The following ADAMTSL1 variants were observed in gnomAD, a reference collection of about 807,000 sequenced individuals.
ADAMTSL1 encodes the protein ADAMTS-like protein 1.
In ADAMTSL1, 126 loss-of-function variants were observed where a neutral mutation model predicts 201.8. That is an observed-to-expected ratio of 0.62 (90% CI 0.54 to 0.72). ADAMTSL1 has a LOEUF of 0.72. Ranked by LOEUF, ADAMTSL1 falls within the 30% of genes least tolerant of loss-of-function variation. The pLI, the probability that ADAMTSL1 is intolerant of heterozygous loss-of-function variation, is 0.00. For synonymous variants in ADAMTSL1, 1,121 were observed against 903.4 expected (o/e 1.24, Z -4.32); for missense variants, 2,679 against 2,277.8 (o/e 1.18, Z -3.59).
At chr9:18,057,108 G>A (rs890392419) in intron 1 of ADAMTSL1, among the ~76,000 whole-genome samples, 1 of 152,168 alleles carries the variant, frequency 6.6e-6, no homozygotes, top group African/African-American at 2.4e-5. Context: ...ACTAGGTACA[G>A]CAGAGACCTT....
chr9:18,311,349 T>TA (rs60100300), intron 2 of ADAMTSL1, among the ~76,000 whole-genome samples: 133 of 145,978 alleles, frequency 9.1e-4, no homozygotes, highest in African/African-American at 2.8e-3. Context: ...TAGGGTATAA[T>TA]AAAAAAAAAA....
chr9:18,652,815 C>G (rs1224167480), intron 7 of ADAMTSL1, among the ~76,000 whole-genome samples: 3 of 152,186 alleles, frequency 2.0e-5, no homozygotes, highest in Non-Finnish European at 2.9e-5. Context: ...CCTTTATCCG[C>G]TGGAGGCTGA....
intron 23 of ADAMTSL1, among the ~76,000 whole-genome samples, chr9:18,868,104 C>T (rs188363665): frequency 2.5e-4 from 38 of 152,266 alleles, no homozygotes; most frequent in Non-Finnish European, 4.7e-4. Flanking sequence ...AATGTTTCAT[C>T]TGCTATTGAT....
At chr9:18,645,214 C>T (rs1196091713) in intron 7 of ADAMTSL1, among the ~76,000 whole-genome samples, 5 of 152,106 alleles carry the variant, frequency 3.3e-5, no homozygotes, top group Admixed American at 6.6e-5. Context: ...TCATGTCCTT[C>T]ACCCACTTTT....
intron 8 of ADAMTSL1, among the ~76,000 whole-genome samples, chr9:18,658,111 A>T (rs1587822445): frequency 6.6e-6 from 1 of 151,640 alleles, no homozygotes; most frequent in Non-Finnish European, 1.5e-5. Context: ...AGTAGCTGGG[A>T]CTGCAGGCGC....
At chr9:18,236,396 C>T (rs1830851374) in intron 2 of ADAMTSL1, among the ~76,000 whole-genome samples, 1 of 152,138 alleles carries the variant, frequency 6.6e-6, no homozygotes, top group African/African-American at 2.4e-5. Context: ...TTTGACTGTG[C>T]CACTGACATG....
intron 23 of ADAMTSL1, among the ~76,000 whole-genome samples, chr9:18,844,345 C>T (rs529147230): frequency 1.3e-5 from 2 of 152,312 alleles, no homozygotes; most frequent in East Asian, 3.9e-4. Flanking sequence ...GGCTGCAGAA[C>T]AGTGGATTTT....
chr9:17,938,181 T>C (rs1827091299), intron 1 of ADAMTSL1, among the ~76,000 whole-genome samples: 3 of 152,090 alleles, frequency 2.0e-5, no homozygotes, highest in Non-Finnish European at 4.4e-5. Flanking sequence ...CTAATTTACA[T>C]GGGGTGTGTG....
At chr9:18,112,956 C>A (rs529355039) in intron 1 of ADAMTSL1, among the ~76,000 whole-genome samples, 1 of 152,102 alleles carries the variant, frequency 6.6e-6, no homozygotes, top group African/African-American at 2.4e-5. Context: ...TACAGTCAAT[C>A]AGTAATGATG....
chr9:18,408,112 A>G (rs1818280034), intron 2 of ADAMTSL1, among the ~76,000 whole-genome samples: 1 of 152,200 alleles, frequency 6.6e-6, no homozygotes, highest in African/African-American at 2.4e-5. Context: ...TAGATTTTAG[A>G]AACATAGATA....
chr9:18,524,895 A>G (rs1404537880), intron 2 of ADAMTSL1, among the ~76,000 whole-genome samples: 1 of 152,130 alleles, frequency 6.6e-6, no homozygotes, highest in Admixed American at 6.5e-5. Flanking sequence ...TATTGGTCTA[A>G]AATTCTCTCT....
At chr9:18,576,264 T>C (rs893107720) in intron 4 of ADAMTSL1, among the ~76,000 whole-genome samples, 1 of 152,168 alleles carries the variant, frequency 6.6e-6, no homozygotes, top group Non-Finnish European at 1.5e-5. Flanking sequence ...AAAACAAAGA[T>C]TGCATTTAAG....
intron 4 of ADAMTSL1, among the ~76,000 whole-genome samples, chr9:18,597,511 T>G (rs1384125025): frequency 6.6e-6 from 1 of 152,232 alleles, no homozygotes; most frequent in Non-Finnish European, 1.5e-5. Flanking sequence ...TTGAAAGATT[T>G]GAAACCTTGT....
chr9:18,099,861 C>A (rs188416536), intron 1 of ADAMTSL1, among the ~76,000 whole-genome samples: 1 of 152,056 alleles, frequency 6.6e-6, no homozygotes, highest in Admixed American at 6.6e-5. Flanking sequence ...CTCCTGACCT[C>A]GTGATCCGCC....
intron 14 of ADAMTSL1, among the ~76,000 whole-genome samples, chr9:18,720,712 G>T (rs2133419609): frequency 6.6e-6 from 1 of 152,290 alleles, no homozygotes; most frequent in East Asian, 1.9e-4. Flanking sequence ...GAACCCGGAA[G>T]GCAGAGGTTG....
chr9:18,106,159 C>T (rs1824754245), intron 1 of ADAMTSL1, among the ~76,000 whole-genome samples: 1 of 152,194 alleles, frequency 6.6e-6, no homozygotes, highest in Admixed American at 6.6e-5. Context: ...GGGAGTCACA[C>T]TGCTTAAGGC....
chr9:18,656,115 C>G (rs1053627345), intron 7 of ADAMTSL1, among the ~76,000 whole-genome samples: 1 of 152,016 alleles, frequency 6.6e-6, no homozygotes, highest in African/African-American at 2.4e-5. Context: ...CTCAGACTTT[C>G]TGAGAAACAT....
intron 4 of ADAMTSL1, among the ~76,000 whole-genome samples, chr9:18,605,048 G>C (rs1197675448): frequency 1.3e-5 from 2 of 152,102 alleles, no homozygotes; most frequent in African/African-American, 4.8e-5. Flanking sequence ...AATTACTTCA[G>C]CTTCTCCAGG....
chr9:18,586,649 A>G (rs1184013639), intron 4 of ADAMTSL1, among the ~76,000 whole-genome samples: 1 of 152,100 alleles, frequency 6.6e-6, no homozygotes, highest in East Asian at 1.9e-4. Flanking sequence ...GCAATCCTAG[A>G]CAAAAAGAAC....
Sources: gnomAD v4.1 joint callset for allele counts (sites outside exome capture counted in the v4.1 genomes callset) on GRCh38, gnomAD v4.1.1 for gene constraint, MANE v1.5 for transcripts, NCBI Gene and HGNC (gene_info 2026-07-23, HGNC 2026-07-21) for gene names.